NEGR1: variants seen among roughly 807,000 people sequenced by gnomAD.
NEGR1 encodes the protein IgLON family member 4.
A neutral mutation model predicts 40.9 loss-of-function variants in NEGR1; 10 were observed. That is an observed-to-expected ratio of 0.24 (90% CI 0.15 to 0.42). NEGR1 has a LOEUF of 0.42. NEGR1 is among the 10% of genes least tolerant of loss of function. The pLI is 1.00. For synonymous variants in NEGR1, 185 were observed against 166.8 expected (o/e 1.11, Z -0.84); for missense variants, 352 against 438.9 (o/e 0.80, Z 1.77).
At chr1:72,014,138 T>C (rs536009815) in intron 1 of NEGR1, among the ~76,000 whole-genome samples, 50 of 151,906 alleles carry the variant, frequency 3.3e-4, no homozygotes, top group Non-Finnish European at 6.2e-4. Flanking sequence ...CAAAATTCTT[T>C]ATCATATAAG....
intron 1 of NEGR1, among the ~76,000 whole-genome samples, chr1:71,985,725 A>T (rs1646388854): frequency 6.6e-6 from 1 of 152,216 alleles, no homozygotes; most frequent in Non-Finnish European, 1.5e-5. Context: ...GATAAGAAGT[A>T]AAAGTACTTT....
chr1:72,089,815 T>C (rs1437786478), intron 1 of NEGR1, among the ~76,000 whole-genome samples: 1 of 152,142 alleles, frequency 6.6e-6, no homozygotes, highest in Non-Finnish European at 1.5e-5. Context: ...TAAATATATG[T>C]AACTAATTAA....
intron 6 of NEGR1, among the ~76,000 whole-genome samples, chr1:71,554,797 G>T (rs530032362): frequency 2.0e-5 from 3 of 151,498 alleles, no homozygotes; most frequent in East Asian, 2.0e-4. Flanking sequence ...TCACCAATTA[G>T]GTTGCTGGAA....
intron 1 of NEGR1, among the ~76,000 whole-genome samples, chr1:71,964,496 G>A (rs529891101): frequency 2.8e-4 from 42 of 152,112 alleles, no homozygotes; most frequent in Non-Finnish European, 4.4e-4. Flanking sequence ...TACCTGTAGA[G>A]GTGCCACACA....
chr1:71,828,862 T>C (rs779080299), intron 2 of NEGR1, among the ~76,000 whole-genome samples: 1 of 151,868 alleles, frequency 6.6e-6, no homozygotes, highest in Non-Finnish European at 1.5e-5. Flanking sequence ...TCCCAATCAA[T>C]GCACAATGAA....
intron 1 of NEGR1, among the ~76,000 whole-genome samples, chr1:71,983,956 A>G (rs1646375043): frequency 6.7e-6 from 1 of 148,320 alleles, no homozygotes; most frequent in East Asian, 2.4e-4. Context: ...TACCAGTCAT[A>G]GAATCAGAAT....
intron 1 of NEGR1, among the ~76,000 whole-genome samples, chr1:71,965,206 G>A (rs1463248851): frequency 6.6e-6 from 1 of 152,120 alleles, no homozygotes; most frequent in Non-Finnish European, 1.5e-5. Flanking sequence ...GGAAGCAGAA[G>A]CAGCTAACTT....
At chr1:72,014,927 C>T (rs868606297) in intron 1 of NEGR1, among the ~76,000 whole-genome samples, 4 of 151,938 alleles carry the variant, frequency 2.6e-5, no homozygotes, top group Admixed American at 6.6e-5. Context: ...AGTATTCTTT[C>T]ATAAAGTAAT....
At chr1:71,728,460 G>C (rs1280506962) in intron 3 of NEGR1, among the ~76,000 whole-genome samples, 1 of 152,038 alleles carries the variant, frequency 6.6e-6, no homozygotes, top group African/African-American at 2.4e-5. Context: ...AGCTGCATGT[G>C]GGTAAGATGG....
At chr1:72,077,860 G>T (rs898039166) in intron 1 of NEGR1, among the ~76,000 whole-genome samples, 4 of 151,782 alleles carry the variant, frequency 2.6e-5, no homozygotes, top group Non-Finnish European at 5.9e-5. Context: ...CAAGCACAAA[G>T]AATTAAAAGT....
At chr1:71,620,106 T>C (rs528771243) in intron 4 of NEGR1, among the ~76,000 whole-genome samples, 2 of 151,980 alleles carry the variant, frequency 1.3e-5, no homozygotes, top group Non-Finnish European at 2.9e-5. Context: ...CTTAAAGTGA[T>C]GGATGATTAT....
intron 2 of NEGR1, among the ~76,000 whole-genome samples, chr1:71,788,549 T>A (rs981635002): frequency 3.9e-5 from 6 of 152,142 alleles, no homozygotes; most frequent in African/African-American, 1.4e-4. Flanking sequence ...TATTTAAATA[T>A]AAATCACAAA....
intron 1 of NEGR1, among the ~76,000 whole-genome samples, chr1:72,222,909 A>T (rs1048799116): frequency 6.6e-6 from 1 of 152,126 alleles, no homozygotes; most frequent in African/African-American, 2.4e-5. Flanking sequence ...GTGAGTGAAG[A>T]TGTCTCTAGA....
intron 6 of NEGR1, among the ~76,000 whole-genome samples, chr1:71,575,000 G>A (rs1469475995): frequency 6.6e-6 from 1 of 152,150 alleles, no homozygotes; most frequent in South Asian, 2.1e-4. Flanking sequence ...AAATTATTCT[G>A]AGACTAAATC....
At chr1:72,185,095 C>A (rs1001809904) in intron 1 of NEGR1, among the ~76,000 whole-genome samples, 1 of 151,922 alleles carries the variant, frequency 6.6e-6, no homozygotes, top group Non-Finnish European at 1.5e-5. Context: ...ATTGGCCTGG[C>A]ACCTGGAACA....
chr1:71,928,479 T>TATATATACAC (rs1377792046), intron 2 of NEGR1, among the ~76,000 whole-genome samples: 5 of 114,478 alleles, frequency 4.4e-5, no homozygotes, highest in African/African-American at 1.5e-4. Context: ...TATATACACA[T>TATATATACAC]ATATATGTAT....
At chr1:71,911,866 G>T (rs1661428498) in intron 2 of NEGR1, among the ~76,000 whole-genome samples, 1 of 152,146 alleles carries the variant, frequency 6.6e-6, no homozygotes, top group African/African-American at 2.4e-5. Context: ...GTATCATTAT[G>T]CATAATTTGC....
At chr1:71,608,572 A>T (rs1450115976) in intron 5 of NEGR1, among the ~76,000 whole-genome samples, 1 of 151,516 alleles carries the variant, frequency 6.6e-6, no homozygotes, top group Non-Finnish European at 1.5e-5. Flanking sequence ...AATCCAGGAC[A>T]TTGCTTCACA....
intron 4 of NEGR1, among the ~76,000 whole-genome samples, chr1:71,633,945 C>T (rs1651058396): frequency 6.6e-6 from 1 of 151,852 alleles, no homozygotes; most frequent in Admixed American, 6.6e-5. Flanking sequence ...GTGCACTGGA[C>T]CAAAAACCTT....
Sources: gnomAD v4.1 joint callset for allele counts (sites outside exome capture counted in the v4.1 genomes callset) on GRCh38, gnomAD v4.1.1 for gene constraint, MANE v1.5 for transcripts, NCBI Gene and HGNC (gene_info 2026-07-23, HGNC 2026-07-21) for gene names.